CTDSPL: variants seen among roughly 807,000 people sequenced by gnomAD.
The protein encoded by CTDSPL is CTD small phosphatase like.
CTDSPL carries 8 observed loss-of-function variants against 30.5 expected under a neutral mutation model. The observed-to-expected ratio is 0.26, with a 90% CI of 0.15 to 0.47. The LOEUF is 0.47. CTDSPL is among the 20% of genes least tolerant of loss of function. The probability of loss-of-function intolerance (pLI) is 0.99; values close to 1 mark genes in which losing one functional copy is unlikely to be tolerated. For synonymous variants in CTDSPL, 110 were observed against 137.9 expected (o/e 0.80, Z 1.42); for missense variants, 248 against 366.1 (o/e 0.68, Z 2.63).
chr3:37,913,696 A>C (rs1000155905), intron 1 of CTDSPL, among the ~76,000 whole-genome samples: 1 of 152,204 alleles, frequency 6.6e-6, no homozygotes, highest in African/African-American at 2.4e-5. Context: ...AGGTCCAAAA[A>C]GGGGAAGAAC....
chr3:37,906,335 C>A (rs534872143), intron 1 of CTDSPL, among the ~76,000 whole-genome samples: 51 of 152,322 alleles, frequency 3.3e-4, no homozygotes, highest in African/African-American at 1.2e-3. Flanking sequence ...TCCTTCCTCA[C>A]CCTTTTGGGC....
chr3:37,951,409 C>T (rs1419579160), intron 2 of CTDSPL, among the ~76,000 whole-genome samples: 5 of 151,978 alleles, frequency 3.3e-5, no homozygotes, highest in Non-Finnish European at 7.4e-5. Context: ...GGTGCAGTGA[C>T]TCATTCCTGT....
At chr3:37,907,681 G>A (rs1006812689) in intron 1 of CTDSPL, among the ~76,000 whole-genome samples, 1 of 152,236 alleles carries the variant, frequency 6.6e-6, no homozygotes, top group Admixed American at 6.5e-5. Flanking sequence ...TGTTAAGAAC[G>A]TAGAGCTTAG....
Position 37,975,886 on chromosome 3 carries a change from G to A in CTDSPL, c.697G>A (p.Glu233Lys), listed in dbSNP as rs775428574. The A allele has an allele frequency of 2.0e-5, 32 of 1,612,954 alleles. No homozygotes were observed. Among genetic ancestry groups the A allele is most frequent in the Non-Finnish European group, 2.7e-5 (32 of 1,179,112 alleles). The change falls in exon 7 of 8, where the codon GAG (glutamate) becomes AAG (lysine). Residue 233 changes from glutamate (E) to lysine (K), a missense_variant. By Grantham distance (56) the Glu-to-Lys change is moderately conservative. This residue lies in a region of CTDSPL where 84 missense variants were observed against 139.4 expected (regional missense o/e 0.60). Transcript: ENST00000273179. The surrounding 1 kb of genome is among the most constrained non-coding windows in gnomAD (Gnocchi z 4.9). ...NSPASYIFHPENAVPVQSWFD... is the reference protein window; with the variant it reads ...NSPASYIFHPKNAVPVQSWFD... ...CCCTGCCTCATACATCTTCCATCCT[G>A]AGAATGCAGTAAGTGGCCCCAAAGA...
In CTDSPL at chr3:37,980,774, G is replaced by C. The variant is rs190767951; in HGVS notation, c.738G>C (p.Thr246=). The change falls in exon 8 of 8, where the codon ACG becomes ACC. Residue 246 remains threonine (T), a synonymous_variant. Coordinates refer to ENST00000273179, the MANE Select transcript of CTDSPL (RefSeq NM_001008392.2). ...VPVQSWFDDM[T]DTELLDLIPF... is the part of the protein sequence containing the mutation. ...TGCAGTCCTGGTTCGATGACATGAC[G>C]GACACGGAGCTGCTGGACCTCATCC... 1.4e-4 allele frequency: 234 copies of C among 1,614,226 alleles called. 2 individuals carry two copies. In the East Asian group the frequency reaches 4.3e-3, roughly 30 times the overall value.
Position 37,983,061 on chromosome 3 carries a change from C to G in CTDSPL, c.*2194C>G, listed in dbSNP as rs1212999612. Reference sequence around the variant, plus strand: ...AGTGAAGACACTTGGCAGACTTGAGCCAGACACTTCACCTAGTAGTTCCTG... The same window carrying G: ...AGTGAAGACACTTGGCAGACTTGAGGCAGACACTTCACCTAGTAGTTCCTG... On this transcript the variant is annotated 3_prime_UTR_variant, in exon 8 of 8. Transcript: ENST00000273179. The G allele has an allele frequency of 5.6e-6, 1 of 177,698 alleles. No homozygotes were observed. Among genetic ancestry groups the G allele is most frequent in the Non-Finnish European group, 1.2e-5 (1 of 82,686 alleles). 11.0% of individuals were successfully genotyped at this position (177,698 alleles called of 1,614,324 possible).
At chr3:37,867,742 T>G (rs1016051376) in intron 1 of CTDSPL, among the ~76,000 whole-genome samples, 1 of 152,202 alleles carries the variant, frequency 6.6e-6, no homozygotes, top group Non-Finnish European at 1.5e-5. Context: ...CGCTAACGTC[T>G]TATATAATTG....
chr3:37,862,928 C>CGT lies in CTDSPL; in HGVS notation c.79+661_79+662dup, dbSNP rs1013378188. Among the ~76,000 whole-genome samples the CGT allele has an allele frequency of 4.6e-5, 7 of 151,880 alleles. No homozygotes were observed. Among genetic ancestry groups the CGT allele is most frequent in the African/African-American group, 4.8e-5 (2 of 41,304 alleles). On this transcript the variant is annotated intron_variant, in intron 1 of 7. Coordinates refer to ENST00000273179, the MANE Select transcript of CTDSPL (RefSeq NM_001008392.2). The surrounding 1 kb of genome is among the most constrained non-coding windows in gnomAD (Gnocchi z 4.3). ...GTGTTGTATACATCTACTGGGAGGGCGTGTGTGTGTGTAAATTGTATACAA... is the reference window on the plus strand; with the variant it reads ...GTGTTGTATACATCTACTGGGAGGGCGTGTGTGTGTGTGTAAATTGTATACAA...
At chr3:37,926,630 A>G (rs547697184) in intron 1 of CTDSPL, among the ~76,000 whole-genome samples, 2 of 152,342 alleles carry the variant, frequency 1.3e-5, no homozygotes, top group South Asian at 4.1e-4. Context: ...CTGGCTTACT[A>G]CTTTAACAAA....
chr3:37,976,683 T>C (rs1432355293), intron 7 of CTDSPL, among the ~76,000 whole-genome samples: 1 of 151,322 alleles, frequency 6.6e-6, no homozygotes, highest in East Asian at 1.9e-4. Context: ...CAAATAAGAC[T>C]GCCAAGCTTT....
At chr3:37,956,017 A>G (rs1295409481) in intron 2 of CTDSPL, among the ~76,000 whole-genome samples, 2 of 152,218 alleles carry the variant, frequency 1.3e-5, no homozygotes, top group Non-Finnish European at 2.9e-5. Context: ...AGAGCAGCAT[A>G]GCTCTGCCTT....
intron 1 of CTDSPL, among the ~76,000 whole-genome samples, chr3:37,865,575 T>C (rs1228136670): frequency 6.6e-6 from 1 of 152,250 alleles, no homozygotes; most frequent in Non-Finnish European, 1.5e-5. Context: ...CCAGATTTAC[T>C]GCAGCTTAAA....
chr3:37,889,178 T>C (rs1420481512), intron 1 of CTDSPL, among the ~76,000 whole-genome samples: 1 of 152,194 alleles, frequency 6.6e-6, no homozygotes, highest in Non-Finnish European at 1.5e-5. Context: ...AGCTGTAACT[T>C]TTATTTATTC....
chr3:37,906,842 G>T (rs1395714031), intron 1 of CTDSPL, among the ~76,000 whole-genome samples: 1 of 152,164 alleles, frequency 6.6e-6, no homozygotes, highest in African/African-American at 2.4e-5. Context: ...TTCGCCCTCT[G>T]AGCCTTTCCT....
At chr3:37,872,562 A>ATTTTTTTTTTTTTTTTT (rs1559621231) in intron 1 of CTDSPL, among the ~76,000 whole-genome samples, 1 of 101,974 alleles carries the variant, frequency 9.8e-6, no homozygotes, top group African/African-American at 3.8e-5. Context: ...TTTTTTTTAA[A>ATTTTTTTTTTTTTTTTT]TTCTTTTATC....
At chr3:37,874,966 C>T (rs1698119819) in intron 1 of CTDSPL, among the ~76,000 whole-genome samples, 1 of 152,134 alleles carries the variant, frequency 6.6e-6, no homozygotes, top group South Asian at 2.1e-4. Context: ...TTTTAATGAC[C>T]TATCTTTCTC....
intron 1 of CTDSPL, among the ~76,000 whole-genome samples, chr3:37,946,369 G>C (rs1699038636): frequency 6.6e-6 from 1 of 152,194 alleles, no homozygotes; most frequent in Admixed American, 6.5e-5. Flanking sequence ...CTTTGCCCTG[G>C]CTGGCCCTAC....
intron 6 of CTDSPL, among the ~76,000 whole-genome samples, chr3:37,972,675 C>A (rs562455831): frequency 3.3e-5 from 5 of 152,336 alleles, no homozygotes; most frequent in African/African-American, 1.2e-4. Context: ...TTAGTCTCCC[C>A]CTTCACAGGT....
Position 37,953,118 on chromosome 3 carries a change from A to G in CTDSPL, c.235-3993A>G, listed in dbSNP as rs1162752773. On this transcript the variant is annotated intron_variant, in intron 2 of 7. Transcript: ENST00000273179. ...AGAAAAAATATTAGTGAGACAATTT[A>G]TATTCTTTTTATCTTACTAATCCTT... is the stretch of plus-strand genomic sequence containing the variant. Among the ~76,000 whole-genome samples, 4 of 152,314 alleles carry G rather than the reference A, an allele frequency of 2.6e-5. No homozygotes were observed. The East Asian group carries it at 7.7e-4, about 29-fold the overall frequency.
Sources: gnomAD v4.1 joint callset for allele counts (sites outside exome capture counted in the v4.1 genomes callset) on GRCh38, gnomAD v4.1.1 for gene constraint, gnomAD v4.1.1 regional missense constraint, Gnocchi (gnomAD v3.1) non-coding constraint, MANE v1.5 for transcripts, NCBI Gene and HGNC (gene_info 2026-07-23, HGNC 2026-07-21) for gene names.